TRPM3: variants seen among roughly 807,000 people sequenced by gnomAD.
TRPM3 encodes the protein long transient receptor potential channel 3.
In TRPM3, 77 loss-of-function variants were observed where a neutral mutation model predicts 181.2. The observed-to-expected ratio is 0.42, with a 90% CI of 0.35 to 0.51. The LOEUF (loss-of-function observed/expected upper bound fraction) is 0.51, where lower values mean the gene tolerates loss of function less well. Among genes scored for constraint, TRPM3 ranks in the 20% least tolerant of loss-of-function variants. The probability of loss-of-function intolerance (pLI) is 0.01; values close to 1 mark genes in which losing one functional copy is unlikely to be tolerated. For synonymous variants in TRPM3, 745 were observed against 796.4 expected (o/e 0.94, Z 1.09); for missense variants, 1,759 against 2,196.7 (o/e 0.80, Z 3.98).
chr9:70,912,486 G>A (rs549354725), intron 1 of TRPM3, among the ~76,000 whole-genome samples: 28 of 152,302 alleles, frequency 1.8e-4, no homozygotes, highest in African/African-American at 6.0e-4. Context: ...AGCATAACCA[G>A]TTAAAACAAA....
chr9:71,373,550 C>T (rs140570144), intron 1 of TRPM3, among the ~76,000 whole-genome samples: 10 of 152,210 alleles, frequency 6.6e-5, no homozygotes, highest in Admixed American at 2.0e-4. Context: ...AATTCCTAGA[C>T]GCATACACCC....
intron 1 of TRPM3, among the ~76,000 whole-genome samples, chr9:71,238,089 C>CT (rs943264299): frequency 6.2e-4 from 95 of 152,056 alleles, no homozygotes; most frequent in African/African-American, 2.1e-3. Flanking sequence ...TGAAATTCAA[C>CT]TTTTTTTTCA....
intron 9 of TRPM3, among the ~76,000 whole-genome samples, chr9:70,670,342 T>A (rs1563925271): frequency 6.6e-6 from 1 of 152,296 alleles, no homozygotes; most frequent in East Asian, 1.9e-4. Flanking sequence ...GCTCTGTGAA[T>A]TATAAAGCAC....
intron 8 of TRPM3, among the ~76,000 whole-genome samples, chr9:70,754,171 C>T (rs1205587586): frequency 6.6e-6 from 1 of 152,088 alleles, no homozygotes; most frequent in African/African-American, 2.4e-5. Context: ...CTGGCACTGC[C>T]CTCTGGAACA....
chr9:71,122,535 T>C (rs374442716), upstream of TRPM3, among the ~76,000 whole-genome samples: 63 of 152,328 alleles, frequency 4.1e-4, 2 homozygotes, highest in South Asian at 0.012. Context: ...TATTTTTTCC[T>C]CTGTGACCAT....
chr9:71,416,831 C>T (rs2093643674), intron 1 of TRPM3, among the ~76,000 whole-genome samples: 1 of 151,924 alleles, frequency 6.6e-6, no homozygotes, highest in South Asian at 2.1e-4. Context: ...TTTACTTCTT[C>T]CCAATTTAAG....
intron 6 of TRPM3, chr9:70,826,446 A>G (rs2093561711): frequency 6.6e-6 from 1 of 152,208 alleles, no homozygotes. Context: ...TTCGTAATAT[A>G]ATTTTTATTT....
chr9:70,956,516 G>A (rs900903887), intron 1 of TRPM3, among the ~76,000 whole-genome samples: 1 of 152,074 alleles, frequency 6.6e-6, no homozygotes, highest in Non-Finnish European at 1.5e-5. Context: ...CTAGGAATCT[G>A]TGGATATATG....
intron 1 of TRPM3, among the ~76,000 whole-genome samples, chr9:71,080,542 T>G (rs143124669): frequency 3.3e-5 from 5 of 152,280 alleles, no homozygotes; most frequent in Admixed American, 3.3e-4. Context: ...TGAGGGATGA[T>G]AGGACAATGA....
intron 1 of TRPM3, among the ~76,000 whole-genome samples, chr9:71,190,039 T>C (rs2077916767): frequency 6.6e-6 from 1 of 151,876 alleles, no homozygotes; most frequent in Non-Finnish European, 1.5e-5. Context: ...CACTTTTATA[T>C]ATTTCAAGTT....
chr9:71,120,410 G>C (rs1391161112), intron 1 of TRPM3, among the ~76,000 whole-genome samples: 1 of 152,132 alleles, frequency 6.6e-6, no homozygotes, highest in Admixed American at 6.5e-5. Context: ...AGGTGGATTA[G>C]TACAGAGTTG....
chr9:70,669,780 G>A (rs1423526919), intron 9 of TRPM3, among the ~76,000 whole-genome samples: 1 of 113,440 alleles, frequency 8.8e-6, no homozygotes, highest in Admixed American at 1.0e-4. Context: ...ATCTCCCTTT[G>A]TTGCCCAAGC....
At chr9:71,253,099 T>C (rs1350337084) in intron 1 of TRPM3, among the ~76,000 whole-genome samples, 36 of 152,116 alleles carry the variant, frequency 2.4e-4, no homozygotes, top group Non-Finnish European at 1.5e-5. Flanking sequence ...CATTTGAAAC[T>C]AGAGAGTAAT....
intron 1 of TRPM3, among the ~76,000 whole-genome samples, chr9:70,978,326 C>G (rs1186744765): frequency 6.6e-6 from 1 of 152,148 alleles, no homozygotes; most frequent in Non-Finnish European, 1.5e-5. Flanking sequence ...TATTTATGTC[C>G]AGTGAGCAAA....
intron 1 of TRPM3, among the ~76,000 whole-genome samples, chr9:71,080,420 A>G (rs192306146): frequency 5.9e-5 from 9 of 152,248 alleles, no homozygotes; most frequent in Non-Finnish European, 1.0e-4. Flanking sequence ...CCAACCATGC[A>G]TTGCAAAGAT....
chr9:70,547,974 G>A lies in TRPM3; in HGVS notation c.3707+1568C>T, dbSNP rs563680219. On this transcript the variant is annotated intron_variant, in intron 25 of 25. Coordinates refer to ENST00000677713, the MANE Select transcript of TRPM3 (RefSeq NM_001366145.2). ...CGTGTGCTGGTGCCTGCACCTCTTC[G>A]TTCTAGTTCCTCAGGGAGGCAAAGC... 5.3e-5 allele frequency among the ~76,000 whole-genome samples: 8 copies of A among 152,288 alleles called. No homozygotes were observed. The South Asian group carries it at 1.5e-3, about 28-fold the overall frequency.
chr9:71,109,367 A>C (rs895923274), intron 1 of TRPM3, among the ~76,000 whole-genome samples: 1 of 152,062 alleles, frequency 6.6e-6, no homozygotes, highest in African/African-American at 2.4e-5. Context: ...AGTTGCACAT[A>C]GATAACATGC....
At chr9:71,086,790 C>T (rs2065341670) in intron 1 of TRPM3, among the ~76,000 whole-genome samples, 1 of 151,936 alleles carries the variant, frequency 6.6e-6, no homozygotes, top group African/African-American at 2.4e-5. Flanking sequence ...GAATATTTTT[C>T]AGGGTGATGC....
At chr9:71,252,707 T>C (rs531833405) in intron 1 of TRPM3, among the ~76,000 whole-genome samples, 1 of 152,238 alleles carries the variant, frequency 6.6e-6, no homozygotes, top group Admixed American at 6.5e-5. Context: ...AGTCTCATTC[T>C]GTCACCTAGG....
Sources: allele counts gnomAD v4.1 joint callset (sites outside exome capture counted in the v4.1 genomes callset), GRCh38; gene constraint gnomAD v4.1.1; transcripts MANE v1.5; gene names NCBI Gene and HGNC (gene_info 2026-07-23, HGNC 2026-07-21).